Variants in FAM81A observed in about 807,000 individuals in gnomAD.
FAM81A encodes family with sequence similarity 81 member A, also known as protein FAM81A.
A neutral mutation model predicts 46.7 loss-of-function variants in FAM81A; 19 were observed. The ratio of observed to expected loss-of-function variants is 0.41; its 90% CI spans 0.28 to 0.60. FAM81A has a LOEUF of 0.60. Ranked by LOEUF, FAM81A falls within the 20% of genes least tolerant of loss-of-function variation. The pLI, the probability that FAM81A is intolerant of heterozygous loss-of-function variation, is 0.34. For missense variants in FAM81A, 377 were observed against 453.5 expected (o/e 0.83, Z 1.53); for synonymous variants, 183 against 152.9 (o/e 1.20, Z -1.45).
chr15:59,471,505 C>T (rs1201530435), intron 3 of FAM81A, among the ~76,000 whole-genome samples: 1 of 151,916 alleles, frequency 6.6e-6, no homozygotes, highest in African/African-American at 2.4e-5. Context: ...CTCTGTTACC[C>T]AGGCTGGAGT....
Position 59,455,143 on chromosome 15 carries a change from C to T in FAM81A, c.-77-3407C>T, listed in dbSNP as rs181691841. Among the ~76,000 whole-genome samples, 668 of 151,872 alleles carry T rather than the reference C, an allele frequency of 4.4e-3. 3 individuals are homozygous for T. Among genetic ancestry groups the T allele is most frequent in the Non-Finnish European group, 6.6e-3 (450 of 67,958 alleles). Reference sequence around the variant, plus strand: ...CTCAAACTCCTGAGCTCAAGCCATCCACTTACCTCAACCTCCCAAAGTGCT... The same window carrying T: ...CTCAAACTCCTGAGCTCAAGCCATCTACTTACCTCAACCTCCCAAAGTGCT... On this transcript the variant is annotated intron_variant, in intron 1 of 8. Transcript: ENST00000288228.
intron 4 of FAM81A, among the ~76,000 whole-genome samples, chr15:59,504,008 C>T (rs1177237721): frequency 6.6e-6 from 1 of 152,204 alleles, no homozygotes; most frequent in Non-Finnish European, 1.5e-5. Flanking sequence ...TTTTAAAACA[C>T]AGTCTGTCCC....
intron 3 of FAM81A, among the ~76,000 whole-genome samples, chr15:59,479,435 C>T (rs766574272): frequency 1.3e-5 from 2 of 148,954 alleles, no homozygotes; most frequent in African/African-American, 5.0e-5. Context: ...TGCTTGAACC[C>T]GGGAGGCGGA....
chr15:59,414,424 A>G (rs1427043906), intron 2 of FAM81A, among the ~76,000 whole-genome samples: 1 of 152,222 alleles, frequency 6.6e-6, no homozygotes, highest in African/African-American at 2.4e-5. Flanking sequence ...CAGGAAAGAA[A>G]AGGGAATACC....
At chr15:59,499,353 T>C (rs1481024079) in intron 4 of FAM81A, among the ~76,000 whole-genome samples, 2 of 152,248 alleles carry the variant, frequency 1.3e-5, no homozygotes, top group Admixed American at 6.5e-5. Context: ...GTTAAATTTG[T>C]AATGTAATGT....
At chr15:59,455,569 G>T (rs2081473511) in intron 1 of FAM81A, among the ~76,000 whole-genome samples, 1 of 152,194 alleles carries the variant, frequency 6.6e-6, no homozygotes, top group Non-Finnish European at 1.5e-5. Flanking sequence ...AAAGAATCGT[G>T]ATGCTAACAA....
chr15:59,415,278 C>G (rs1222162610), intron 2 of FAM81A, among the ~76,000 whole-genome samples: 1 of 152,042 alleles, frequency 6.6e-6, no homozygotes, highest in Non-Finnish European at 1.5e-5. Flanking sequence ...AACACCACGC[C>G]TGGCTAATTT....
At chr15:59,408,326 C>A (rs148623343) in intron 2 of FAM81A, among the ~76,000 whole-genome samples, 52 of 152,186 alleles carry the variant, frequency 3.4e-4, no homozygotes, top group African/African-American at 1.2e-3. Flanking sequence ...TGTTTTACTT[C>A]TTAAAATATT....
intron 4 of FAM81A, among the ~76,000 whole-genome samples, chr15:59,505,891 T>A (rs1245959359): frequency 1.3e-5 from 2 of 152,234 alleles, no homozygotes; most frequent in African/African-American, 4.8e-5. Flanking sequence ...GTTTTTTTCC[T>A]AAGTCTCTAA....
At chr15:59,424,637 A>G (rs2081187734) in intron 2 of FAM81A, among the ~76,000 whole-genome samples, 1 of 152,226 alleles carries the variant, frequency 6.6e-6, no homozygotes, top group Admixed American at 6.5e-5. Context: ...CATAAATGGC[A>G]TCATTATTTA....
intron 3 of FAM81A, among the ~76,000 whole-genome samples, chr15:59,463,583 C>G (rs148916870): frequency 6.6e-6 from 1 of 152,044 alleles, no homozygotes; most frequent in African/African-American, 2.4e-5. Flanking sequence ...TGGCTCACAC[C>G]TGTAATCCCA....
intron 1 of FAM81A, chr15:59,444,010 C>T (rs933967520): frequency 6.6e-6 from 1 of 152,394 alleles, no homozygotes. Flanking sequence ...AATGCCTGCT[C>T]CTCAAGTGCT....
At chr15:59,419,317 C>G (rs2081160534) in intron 2 of FAM81A, among the ~76,000 whole-genome samples, 2 of 152,146 alleles carry the variant, frequency 1.3e-5, no homozygotes. Flanking sequence ...GTGGAAGATA[C>G]AATAAGAGAT....
intron 2 of FAM81A, among the ~76,000 whole-genome samples, chr15:59,429,947 GC>G (rs1483488811): frequency 6.6e-6 from 1 of 152,192 alleles, no homozygotes; most frequent in African/African-American, 2.4e-5. Context: ...TTGAGTCCAG[GC>G]CAGGTAGTAG....
intron 3 of FAM81A, among the ~76,000 whole-genome samples, chr15:59,466,389 A>G (rs1439725996): frequency 6.6e-6 from 1 of 151,832 alleles, no homozygotes; most frequent in East Asian, 1.9e-4. Context: ...CTTTTTAATG[A>G]TTGCCATTCT....
At chr15:59,477,397 T>C (rs1351671334) in intron 3 of FAM81A, among the ~76,000 whole-genome samples, 2 of 152,114 alleles carry the variant, frequency 1.3e-5, no homozygotes, top group African/African-American at 4.8e-5. Flanking sequence ...CTGCAGGTGA[T>C]TTTATATTAC....
intron 2 of FAM81A, among the ~76,000 whole-genome samples, chr15:59,424,035 C>T (rs1360465615): frequency 6.6e-6 from 1 of 152,190 alleles, no homozygotes; most frequent in African/African-American, 2.4e-5. Flanking sequence ...TTCTCATTCA[C>T]CTCCCATCTT....
chr15:59,459,281 T>C (rs1306367885), intron 2 of FAM81A, among the ~76,000 whole-genome samples: 9 of 152,224 alleles, frequency 5.9e-5, no homozygotes, highest in African/African-American at 2.2e-4. Flanking sequence ...ATTACAGGTG[T>C]GAGCCACTGT....
intron 4 of FAM81A, among the ~76,000 whole-genome samples, chr15:59,501,416 G>A (rs1241491208): frequency 6.6e-6 from 1 of 152,056 alleles, no homozygotes; most frequent in Non-Finnish European, 1.5e-5. Context: ...TTGTCGTATA[G>A]TCTGATGGTA....
Sources: allele counts gnomAD v4.1 joint callset (sites outside exome capture counted in the v4.1 genomes callset), GRCh38; gene constraint gnomAD v4.1.1; transcripts MANE v1.5; gene names NCBI Gene and HGNC (gene_info 2026-07-23, HGNC 2026-07-21).